The following RELN variants were observed in gnomAD, a reference collection of about 807,000 sequenced individuals.
RELN encodes reelin.
Under a neutral mutation model 427.6 loss-of-function variants are expected in RELN, and 108 were observed. The observed-to-expected ratio is 0.25, with a 90% CI of 0.22 to 0.30. The LOEUF (loss-of-function observed/expected upper bound fraction) is 0.30. Among genes scored for constraint, RELN ranks in the 10% least tolerant of loss-of-function variants. The pLI, the probability that RELN is intolerant of heterozygous loss-of-function variation, is 1.00. For missense variants in RELN, 3,715 were observed against 4,302.8 expected, an observed-to-expected ratio of 0.86 and a Z score of 3.82; for synonymous variants, 1,524 against 1,513.4, an observed-to-expected ratio of 1.01 and a Z score of -0.16.
At chr7:103,473,998 G>A (rs1827944971) in intron 64 of RELN, among the ~76,000 whole-genome samples, 1 of 152,100 alleles carries the variant, frequency 6.6e-6, no homozygotes, top group African/African-American at 2.4e-5. Flanking sequence ...CTTGAGTTAG[G>A]GTAGGAGAGG....
At chr7:103,709,838 T>C (rs564728219) in intron 8 of RELN, among the ~76,000 whole-genome samples, 2 of 152,352 alleles carry the variant, frequency 1.3e-5, no homozygotes, top group South Asian at 4.1e-4. Flanking sequence ...GATTATTTCT[T>C]ATTGAGAATC....
chr7:103,685,966 C>A (rs1012407350), intron 10 of RELN, among the ~76,000 whole-genome samples: 1 of 152,116 alleles, frequency 6.6e-6, no homozygotes, highest in African/African-American at 2.4e-5. Context: ...ATGACTTCAC[C>A]TCTGTACTTG....
intron 3 of RELN, among the ~76,000 whole-genome samples, chr7:103,792,878 A>G (rs1330969288): frequency 6.6e-6 from 1 of 152,182 alleles, no homozygotes; most frequent in Non-Finnish European, 1.5e-5. Flanking sequence ...AAGCATAATA[A>G]TACTGGGGAC....
intron 4 of RELN, among the ~76,000 whole-genome samples, chr7:103,773,117 TTTCTTTCTTTC>T (rs1425699943): frequency 4.3e-5 from 3 of 69,698 alleles, no homozygotes; most frequent in African/African-American, 1.4e-4. Flanking sequence ...TCTTTCTTTC[TTTCTTTCTTTC>T]TTTCTTTCTT....
chr7:103,543,842 A>G (rs1830226715), intron 42 of RELN, among the ~76,000 whole-genome samples: 1 of 152,202 alleles, frequency 6.6e-6, no homozygotes, highest in African/African-American at 2.4e-5. Flanking sequence ...TCTGTTGTGC[A>G]GCCATCACTA....
In RELN at chr7:103,626,002, T is replaced by A. The variant is rs10487162; in HGVS notation, c.2702+3938A>T. On this transcript the variant is annotated intron_variant, in intron 20 of 64. Coordinates refer to ENST00000428762, the MANE Select transcript of RELN (RefSeq NM_005045.4). The surrounding 1 kb of genome is among the most constrained non-coding windows in gnomAD (Gnocchi z 4.4). ...TTGGAGTAAGGGTTAGGGATGGCAC[T>A]AGCTCATGAATGGGATGAAAGACAA... 2.0e-5 allele frequency among the ~76,000 whole-genome samples: 3 copies of A among 151,744 alleles called. 1 individual carries two copies. Among genetic ancestry groups the A allele is most frequent in the Non-Finnish European group, 4.4e-5 (3 of 67,852 alleles).
intron 4 of RELN, among the ~76,000 whole-genome samples, chr7:103,766,891 T>C (rs1791437264): frequency 1.3e-5 from 2 of 152,198 alleles, no homozygotes; most frequent in Admixed American, 1.3e-4. Context: ...AACGTTTGCC[T>C]TTAGTTATAG....
At chr7:103,773,081 G>A (rs989409945) in intron 4 of RELN, among the ~76,000 whole-genome samples, 4 of 150,374 alleles carry the variant, frequency 2.7e-5, no homozygotes, top group Non-Finnish European at 4.4e-5. Flanking sequence ...TGGGAAGGAG[G>A]AGATAGATGG....
intron 2 of RELN, among the ~76,000 whole-genome samples, chr7:103,890,140 T>A (rs1794813999): frequency 6.6e-6 from 1 of 151,994 alleles, no homozygotes; most frequent in African/African-American, 2.4e-5. Flanking sequence ...GTCTTACAGG[T>A]CTTCACCATT....
chr7:103,550,859 G>A (rs1830394872), intron 41 of RELN, among the ~76,000 whole-genome samples: 1 of 152,098 alleles, frequency 6.6e-6, no homozygotes, highest in Non-Finnish European at 1.5e-5. Flanking sequence ...GCAGCCCATG[G>A]TGTCCTGTTC....
chr7:103,975,514 A>AGTAT (rs1318544278), intron 1 of RELN, among the ~76,000 whole-genome samples: 2 of 89,486 alleles, frequency 2.2e-5, no homozygotes, highest in Non-Finnish European at 4.8e-5. Flanking sequence ...AGAATGGAGC[A>AGTAT]GTATTTATTT....
At chr7:103,733,942 A>T (rs1790426402) in intron 6 of RELN, among the ~76,000 whole-genome samples, 1 of 40,670 alleles carries the variant, frequency 2.5e-5, no homozygotes, top group Non-Finnish European at 6.8e-5. Context: ...AAGTATAATA[A>T]AAAAAAATGT....
intron 2 of RELN, among the ~76,000 whole-genome samples, chr7:103,865,132 CAAAAAA>C (rs386410871): frequency 3.0e-5 from 2 of 67,198 alleles, no homozygotes; most frequent in Admixed American, 3.7e-4. Flanking sequence ...GAAACTGTCT[CAAAAAA>C]AAAAAAAAAA....
intron 1 of RELN, among the ~76,000 whole-genome samples, chr7:103,977,003 G>T (rs1796891933): frequency 1.3e-5 from 2 of 151,988 alleles, no homozygotes; most frequent in South Asian, 4.2e-4. Flanking sequence ...TCCCTCGCAG[G>T]TTGTTAAGTG....
At chr7:103,710,949 C>T (rs968327762) in intron 8 of RELN, among the ~76,000 whole-genome samples, 1 of 152,150 alleles carries the variant, frequency 6.6e-6, no homozygotes, top group Non-Finnish European at 1.5e-5. Context: ...GAGGCTGAGG[C>T]AGGAGAATCG....
At chr7:103,839,698 C>T (rs1339233499) in intron 2 of RELN, among the ~76,000 whole-genome samples, 1 of 152,100 alleles carries the variant, frequency 6.6e-6, no homozygotes, top group Admixed American at 6.6e-5. Context: ...ACAACTAATG[C>T]TTATTAGGCA....
At chr7:103,841,543 T>G (rs1020017233) in intron 2 of RELN, among the ~76,000 whole-genome samples, 1 of 152,202 alleles carries the variant, frequency 6.6e-6, no homozygotes, top group South Asian at 2.1e-4. Context: ...ACATTTCTGT[T>G]CCTTCCAGGA....
intron 1 of RELN, among the ~76,000 whole-genome samples, chr7:103,982,317 C>T (rs1341628055): frequency 6.6e-6 from 1 of 152,152 alleles, no homozygotes; most frequent in Non-Finnish European, 1.5e-5. Context: ...CCATGGCTCC[C>T]TTGCAGCTCC....
In RELN at chr7:103,700,725, C is replaced by T. The variant is rs558792838; in HGVS notation, c.902+185G>A. Among the ~76,000 whole-genome samples the T allele has an allele frequency of 4.6e-5, 7 of 152,240 alleles. No homozygotes were observed. The South Asian group carries it at 1.5e-3, about 32-fold the overall frequency. On this transcript the variant is annotated intron_variant, in intron 9 of 64. Transcript: ENST00000428762. Reference sequence around the variant, plus strand: ...GGAGGAAGTTCTGAATGGAAAATGACACTTTTAATAATATCTTCTCCGAGC... The same window carrying T: ...GGAGGAAGTTCTGAATGGAAAATGATACTTTTAATAATATCTTCTCCGAGC...
Sources: gnomAD v4.1 joint callset for allele counts (sites outside exome capture counted in the v4.1 genomes callset) on GRCh38, gnomAD v4.1.1 for gene constraint, Gnocchi (gnomAD v3.1) non-coding constraint, MANE v1.5 for transcripts, NCBI Gene and HGNC (gene_info 2026-07-23, HGNC 2026-07-21) for gene names.